The following MYO7B variants were observed in gnomAD, a reference collection of about 807,000 sequenced individuals.
MYO7B encodes myosin VIIB.
MYO7B carries 212 observed loss-of-function variants against 259.7 expected under a neutral mutation model. The observed-to-expected ratio is 0.82, with a 90% CI of 0.73 to 0.91. MYO7B has a LOEUF of 0.91. Among genes scored for constraint, MYO7B ranks in the 40% least tolerant of loss-of-function variants. The probability of loss-of-function intolerance (pLI) is 0.00; values close to 1 mark genes in which losing one functional copy is unlikely to be tolerated. For synonymous variants in MYO7B, 1,197 were observed against 1,166.4 expected (o/e 1.03, Z -0.54); for missense variants, 2,732 against 2,813.5 (o/e 0.97, Z 0.66).
intron 1 of MYO7B, among the ~76,000 whole-genome samples, chr2:127,541,342 T>C (rs1692997330): frequency 6.6e-6 from 1 of 152,208 alleles, no homozygotes. Context: ...CTATGCTGTC[T>C]CCAGATAGGC....
intron 7 of MYO7B, among the ~76,000 whole-genome samples, chr2:127,574,944 C>T (rs1436256517): frequency 6.6e-6 from 1 of 151,642 alleles, no homozygotes; most frequent in Non-Finnish European, 1.5e-5. Context: ...ATTAATGCAC[C>T]TGTGTGTGTG....
Position 127,637,712 on chromosome 2 carries a change from ACTC to A in MYO7B, c.*298_*300del, listed in dbSNP as rs1218665816. 2 of 334,068 alleles carry A rather than the reference ACTC, an allele frequency of 6.0e-6. No homozygotes were observed. The highest frequency in any genetic ancestry group is 5.4e-6 in the Non-Finnish European group (1 of 183,676). 20.7% of individuals were successfully genotyped at this position (334,068 alleles called of 1,614,324 possible). On this transcript the variant is annotated 3_prime_UTR_variant, in exon 48 of 48. Transcript: ENST00000409816. ...CACCCCACCAGAATGTTCAATAAAA[ACTC>A]CTGGAGCAGGAGAAGTGTGTCTGTC...
chr2:127,555,172 C>T (rs1199761801), intron 1 of MYO7B, among the ~76,000 whole-genome samples: 1 of 152,072 alleles, frequency 6.6e-6, no homozygotes, highest in Non-Finnish European at 1.5e-5. Context: ...TGGTCTTGAA[C>T]CCCTGACCTC....
Position 127,611,350 on chromosome 2 carries a change from G to A in MYO7B, c.3193-900G>A, listed in dbSNP as rs1226094618. Among the ~76,000 whole-genome samples the A allele has an allele frequency of 6.6e-6, 1 of 152,244 alleles. No homozygotes were observed. The highest frequency in any genetic ancestry group is 2.4e-5 in the African/African-American group (1 of 41,468). ...GATCACGGGGGCCATGTTGGAGGCT[G>A]GCAGCCACTCAGGGAAAAGACTCTG... On this transcript the variant is annotated intron_variant, in intron 24 of 47. Coordinates refer to ENST00000409816, the MANE Select transcript of MYO7B (RefSeq NM_001393586.1). This position sits in a 1 kb window ranked among gnomAD's most constrained non-coding sequence, Gnocchi z 5.4.
intron 1 of MYO7B, among the ~76,000 whole-genome samples, chr2:127,554,602 A>T (rs1488178235): frequency 1.3e-5 from 2 of 152,204 alleles, no homozygotes; most frequent in Admixed American, 6.5e-5. Context: ...TCATAGAATA[A>T]GTTAGGGAGG....
At position 127,607,467 on chromosome 2, in the gene MYO7B, G is replaced by A. The variant is rs1680201145; in HGVS notation, c.2643+43G>A. On this transcript the variant is annotated intron_variant, in intron 21 of 47. Transcript: ENST00000409816. This position sits in a 1 kb window ranked among gnomAD's most constrained non-coding sequence, Gnocchi z 4.4. Reference sequence around the variant, plus strand: ...CTCTTGGGCAGGTGGGGCTGGCTGGGGCCCCAGTGGGTGAGGGCAAGAAGG... The same window carrying A: ...CTCTTGGGCAGGTGGGGCTGGCTGGAGCCCCAGTGGGTGAGGGCAAGAAGG... The A allele has an allele frequency of 2.0e-6, 3 of 1,526,136 alleles. No individual in the cohort carries two copies. Among genetic ancestry groups the A allele is most frequent in the Admixed American group, 2.0e-5 (1 of 50,468 alleles). 94.5% of individuals were successfully genotyped at this position (1,526,136 alleles called of 1,614,324 possible).
chr2:127,545,853 G>C (rs1372906922), intron 1 of MYO7B, among the ~76,000 whole-genome samples: 2 of 152,212 alleles, frequency 1.3e-5, no homozygotes, highest in East Asian at 3.8e-4. Flanking sequence ...TTGGACCCTG[G>C]CAGGCCCTCT....
intron 28 of MYO7B, 57 bp downstream of exon 28, chr2:127,622,158 C>G (rs1054383671): frequency 1.3e-6 from 2 of 1,503,570 alleles, no homozygotes; most frequent in Non-Finnish European, 1.8e-6. Flanking sequence ...CCCCCAGGGA[C>G]CCCCAGCACA....
chr2:127,580,416 T>A (rs1679053354), intron 9 of MYO7B, among the ~76,000 whole-genome samples: 1 of 152,168 alleles, frequency 6.6e-6, no homozygotes, highest in Non-Finnish European at 1.5e-5. Context: ...ATGGCTCATC[T>A]CTCCAGTGCC....
At chr2:127,621,585 A>G (rs1204380159) in intron 27 of MYO7B, among the ~76,000 whole-genome samples, 4 of 152,140 alleles carry the variant, frequency 2.6e-5, no homozygotes, top group Non-Finnish European at 5.9e-5. Context: ...TACTGTCTTC[A>G]TTATGTTTTC....
chr2:127,612,757 C>T (rs1475280980), intron 26 of MYO7B, among the ~76,000 whole-genome samples, 154 bp downstream of exon 26: 2 of 152,190 alleles, frequency 1.3e-5, no homozygotes, highest in Non-Finnish European at 2.9e-5. Flanking sequence ...TCATAGCTAC[C>T]GAGGGTTCTC....
At chr2:127,568,194 A>G (rs1678435200) in intron 5 of MYO7B, among the ~76,000 whole-genome samples, 1 of 152,186 alleles carries the variant, frequency 6.6e-6, no homozygotes, top group Non-Finnish European at 1.5e-5. Flanking sequence ...GGAACTCCCA[A>G]CCTGCCCCCA....
chr2:127,554,595 T>C (rs769579556), intron 1 of MYO7B, among the ~76,000 whole-genome samples: 1 of 152,272 alleles, frequency 6.6e-6, no homozygotes, highest in African/African-American at 2.4e-5. Context: ...AATGGCTTCA[T>C]AGAATAAGTT....
chr2:127,616,897 A>G (rs1680590042), intron 26 of MYO7B, among the ~76,000 whole-genome samples: 1 of 152,180 alleles, frequency 6.6e-6, no homozygotes, highest in Non-Finnish European at 1.5e-5. Context: ...ATGAGGGCAA[A>G]GTCTTGGTGT....
chr2:127,592,737 G>C, intron 16 of MYO7B, 57 bp from the exon 17 acceptor site: 5 of 1,566,364 alleles, frequency 3.2e-6, no homozygotes, highest in Non-Finnish European at 3.5e-6. Context: ...GTGCCGGGAA[G>C]GGGGGTGGCT....
At chr2:127,556,190 T>C (rs187144079) in intron 1 of MYO7B, among the ~76,000 whole-genome samples, 27 of 152,374 alleles carry the variant, frequency 1.8e-4, no homozygotes, top group Admixed American at 5.2e-4. Flanking sequence ...CTTTAAAGCT[T>C]GTTTTGTCTG....
rs544870180 is a variant in MYO7B at position 127,623,568 on chromosome 2, C to T, written c.3819+193C>T. Among the ~76,000 whole-genome samples, 25 of 152,268 alleles carry T rather than the reference C, an allele frequency of 1.6e-4. No homozygotes were observed. In the South Asian group the frequency reaches 3.5e-3, roughly 21 times the overall value. On this transcript the variant is annotated intron_variant, in intron 29 of 47. Transcript: ENST00000409816. ...ACACAGAGCAAACAGCCTTTCCTCC[C>T]GCACTCATATGGTCACCTTGCAGCT...
chr2:127,637,365 G>C lies in MYO7B; in HGVS notation c.6377G>C (p.Ser2126Thr). ...LLTSYVQQLL[S>T]AMNKQRGSKA... ...ACCTCATATGTGCAGCAGCTCCTGA[G>C]TGCCATGAACAAGCAGCGGGGCTCC... Residue 2126 changes from serine to threonine, a missense_variant, in exon 48 of 48, where the codon AGT becomes ACT. Coordinates refer to ENST00000409816, the MANE Select transcript of MYO7B (RefSeq NM_001393586.1). 1 of 1,592,568 alleles carries C rather than the reference G, an allele frequency of 6.3e-7. No homozygotes were observed. Among genetic ancestry groups the C allele is most frequent in the Non-Finnish European group, 8.5e-7 (1 of 1,169,886 alleles).
At position 127,628,271 on chromosome 2, in the gene MYO7B, T is replaced by C. The variant is rs1470801127; in HGVS notation, c.4461-101T>C. ...CTGGCAGAGCAGCTCTGTGTCCTCA[T>C]CTGTGACTCAGGACCCCCAACCCCA... On this transcript the variant is annotated intron_variant, in intron 33 of 47. Transcript: ENST00000409816. The surrounding 1 kb of genome is among the most constrained non-coding windows in gnomAD (Gnocchi z 4.8). 2.1e-6 allele frequency: 3 copies of C among 1,401,528 alleles called. No individual in the cohort carries two copies. The highest frequency in any genetic ancestry group is 2.5e-5 in the East Asian group (1 of 40,244). 86.8% of individuals were successfully genotyped at this position (1,401,528 alleles called of 1,614,324 possible). A position where few individuals can be genotyped will look rare whatever the true frequency, so the allele number is the denominator to read the frequency against.
Sources: allele counts gnomAD v4.1 joint callset (sites outside exome capture counted in the v4.1 genomes callset), GRCh38; gene constraint gnomAD v4.1.1; non-coding constraint Gnocchi (gnomAD v3.1); transcripts MANE v1.5; gene names NCBI Gene and HGNC (gene_info 2026-07-23, HGNC 2026-07-21).